Variants in CTNNA2 observed in about 807,000 individuals in gnomAD.
CTNNA2 encodes catenin alpha 2.
CTNNA2 carries 42 observed loss-of-function variants against 101.0 expected under a neutral mutation model. That is an observed-to-expected ratio of 0.42 (90% confidence interval 0.32 to 0.54). The LOEUF is 0.54. Among genes scored for constraint, CTNNA2 ranks in the 20% least tolerant of loss-of-function variants. The pLI, the probability that CTNNA2 is intolerant of heterozygous loss-of-function variation, is 0.14. For synonymous variants in CTNNA2, 450 were observed against 456.4 expected, an observed-to-expected ratio of 0.99 and a Z score of 0.18; for missense variants, 871 against 1,223.1, an observed-to-expected ratio of 0.71 and a Z score of 4.29.
intron 8 of CTNNA2, among the ~76,000 whole-genome samples, chr2:80,394,559 G>A (rs1030974083): frequency 5.9e-5 from 9 of 152,028 alleles, no homozygotes; most frequent in Admixed American, 2.0e-4. Context: ...CTATCTCTTT[G>A]TTCTCTTAGA....
intron 1 of CTNNA2, chr2:79,523,384 T>C: frequency 4.1e-6 from 1 of 245,494 alleles, no homozygotes; most frequent in Non-Finnish European, 8.1e-6. Context: ...TTATTTTCAT[T>C]TTACATATAG....
chr2:80,084,202 T>C (rs1699313575), intron 7 of CTNNA2, among the ~76,000 whole-genome samples: 1 of 152,124 alleles, frequency 6.6e-6, no homozygotes, highest in Non-Finnish European at 1.5e-5. Flanking sequence ...TATTGAGAAG[T>C]TGACACAGGG....
intron 3 of CTNNA2, among the ~76,000 whole-genome samples, chr2:79,801,787 T>C (rs1676176798): frequency 6.6e-6 from 1 of 151,474 alleles, no homozygotes. Flanking sequence ...AGGTCAGGAG[T>C]TCGAGACCAG....
intron 7 of CTNNA2, among the ~76,000 whole-genome samples, chr2:80,056,088 C>T (rs140774061): frequency 6.6e-6 from 1 of 152,242 alleles, no homozygotes; most frequent in East Asian, 1.9e-4. Flanking sequence ...GCTATGAGTC[C>T]ACAACCATCA....
intron 1 of CTNNA2, among the ~76,000 whole-genome samples, chr2:79,630,110 A>T (rs1182664901): frequency 2.0e-5 from 3 of 152,048 alleles, no homozygotes; most frequent in African/African-American, 7.2e-5. Flanking sequence ...CTCACACTTA[A>T]CGTACCCTGC....
rs114171773 is a variant in CTNNA2, at chr2:80,459,631, A to G, written c.1290+40030A>G. 7.6e-3 allele frequency among the ~76,000 whole-genome samples: 1,154 copies of G among 152,186 alleles called. 15 individuals carry two copies. Among genetic ancestry groups the G allele is most frequent in the African/African-American group, 0.025 (1,056 of 41,528 alleles). Reference sequence around the variant, plus strand: ...CCTCATTGCCTTGATCAGTGCTCCAATTCCTAACCTGGAACATACCAATCT... The same window carrying G: ...CCTCATTGCCTTGATCAGTGCTCCAGTTCCTAACCTGGAACATACCAATCT... On this transcript the variant is annotated intron_variant, in intron 9 of 18. Coordinates refer to ENST00000402739, the MANE Select transcript of CTNNA2 (RefSeq NM_001282597.3).
chr2:80,207,823 A>G (rs146478893), intron 7 of CTNNA2, among the ~76,000 whole-genome samples: 150 of 152,280 alleles, frequency 9.9e-4, no homozygotes, highest in Middle Eastern at 3.4e-3. Context: ...AGAAAGGAAG[A>G]TAGCAAAGAA....
At chr2:79,578,969 C>T (rs1675971248) in intron 1 of CTNNA2, among the ~76,000 whole-genome samples, 1 of 152,058 alleles carries the variant, frequency 6.6e-6, no homozygotes, top group South Asian at 2.1e-4. Context: ...GTTTGGTATT[C>T]CTGTCATATT....
chr2:79,188,559 G>A (rs1476719494), intron 1 of CTNNA2, among the ~76,000 whole-genome samples: 1 of 152,176 alleles, frequency 6.6e-6, no homozygotes, highest in African/African-American at 2.4e-5. Flanking sequence ...AGGTTGTGAG[G>A]CAAATGTGAG....
intron 7 of CTNNA2, among the ~76,000 whole-genome samples, chr2:80,033,433 C>A (rs1286697304): frequency 1.3e-5 from 2 of 151,812 alleles, no homozygotes; most frequent in African/African-American, 2.4e-5. Context: ...ATTAGCCAGG[C>A]TTGGTGGCAT....
In CTNNA2 at chr2:79,611,998, C is replaced by G. The variant is rs192847159; in HGVS notation, c.-5-39554C>G. Among the ~76,000 whole-genome samples the G allele has an allele frequency of 2.2e-4, 33 of 152,232 alleles. No individual in the cohort carries two copies. In the East Asian group the frequency reaches 6.0e-3, roughly 28 times the overall value. ...TAGACACCAAAGTTTAACGAGGTTGCTAGAACCCTGCAGAATCTGCTAAGT... is the reference window on the plus strand; with the variant it reads ...TAGACACCAAAGTTTAACGAGGTTGGTAGAACCCTGCAGAATCTGCTAAGT... On this transcript the variant is annotated intron_variant, in intron 1 of 18. Coordinates refer to ENST00000402739, the MANE Select transcript of CTNNA2 (RefSeq NM_001282597.3).
At chr2:79,867,341 ATCTG>A (rs58265137) in intron 4 of CTNNA2, among the ~76,000 whole-genome samples, 5,584 of 150,762 alleles carry the variant, frequency 0.037, 126 homozygotes, top group Non-Finnish European at 0.042. Context: ...TATTCTATCT[ATCTG>A]TCTATCTATC....
Position 79,858,132 on chromosome 2 carries a change from C to T in CTNNA2, c.418C>T (p.Leu140=), listed in dbSNP as rs750750602. 1 of 1,614,018 alleles carries T rather than the reference C, an allele frequency of 6.2e-7. No homozygotes were observed. Among genetic ancestry groups the T allele is most frequent in the Non-Finnish European group, 8.5e-7 (1 of 1,179,920 alleles). ...LLSAVTRLLI[L]ADMADVMRLL... is the part of the protein sequence containing the mutation. ...CTCCGCGGTGACACGCTTACTCATC[C>T]TGGCGGACATGGCAGATGTCATGAG... Residue 140 remains leucine, a synonymous_variant, in exon 4 of 19, where the codon CTG becomes TTG. Coordinates refer to ENST00000402739, the MANE Select transcript of CTNNA2 (RefSeq NM_001282597.3).
At chr2:80,073,660 C>G (rs1698489689) in intron 7 of CTNNA2, among the ~76,000 whole-genome samples, 1 of 151,770 alleles carries the variant, frequency 6.6e-6, no homozygotes, top group African/African-American at 2.4e-5. Flanking sequence ...GGTGAAGAAA[C>G]ACAGAACCCA....
chr2:80,334,379 C>T (rs879486017), intron 7 of CTNNA2, among the ~76,000 whole-genome samples: 1 of 152,188 alleles, frequency 6.6e-6, no homozygotes, highest in African/African-American at 2.4e-5. Context: ...ACCTCAGAGC[C>T]TCATTTGCAT....
intron 3 of CTNNA2, among the ~76,000 whole-genome samples, chr2:79,351,621 A>G (rs1677389462): frequency 6.6e-6 from 1 of 151,960 alleles, no homozygotes; most frequent in African/African-American, 2.4e-5. Flanking sequence ...CCCAGCATCT[A>G]TTGTTCCCAT....
chr2:80,444,258 A>G (rs1017678572), intron 9 of CTNNA2, among the ~76,000 whole-genome samples: 4 of 152,086 alleles, frequency 2.6e-5, no homozygotes, highest in Admixed American at 6.5e-5. Flanking sequence ...AGAGGCTTTT[A>G]GAAGTATTAA....
At chr2:79,497,729 T>C (rs1469208823) in intron 4 of CTNNA2, among the ~76,000 whole-genome samples, 1 of 152,204 alleles carries the variant, frequency 6.6e-6, no homozygotes, top group African/African-American at 2.4e-5. Context: ...CGCTATCTCT[T>C]GTCTTAGAAA....
chr2:80,312,543 G>A (rs928726971), intron 7 of CTNNA2, among the ~76,000 whole-genome samples: 2 of 152,200 alleles, frequency 1.3e-5, no homozygotes, highest in Non-Finnish European at 2.9e-5. Flanking sequence ...GAAACTAGAA[G>A]CAAGTGGGCA....
Sources: gnomAD v4.1 joint callset for allele counts (sites outside exome capture counted in the v4.1 genomes callset) on GRCh38, gnomAD v4.1.1 for gene constraint, MANE v1.5 for transcripts, NCBI Gene and HGNC (gene_info 2026-07-23, HGNC 2026-07-21) for gene names.